HTRA3: variants seen among roughly 807,000 people sequenced by gnomAD.
HTRA3 encodes the protein HtrA serine peptidase 3.
HTRA3 carries 41 observed loss-of-function variants against 43.2 expected under a neutral mutation model. That is an observed-to-expected ratio of 0.95 (90% CI 0.74 to 1.23). The LOEUF (loss-of-function observed/expected upper bound fraction) is 1.23, where lower values mean the gene tolerates loss of function less well. Ranked by LOEUF, HTRA3 falls within the 50% of genes most tolerant of loss-of-function variation. The probability of loss-of-function intolerance (pLI) is 0.00; values close to 1 mark genes in which losing one functional copy is unlikely to be tolerated. For synonymous variants in HTRA3, 295 were observed against 287.9 expected, an observed-to-expected ratio of 1.02 and a Z score of -0.25; for missense variants, 628 against 647.1, an observed-to-expected ratio of 0.97 and a Z score of 0.32.
chr4:8,291,653 T>C (rs114889058), intron 4 of HTRA3, 89 bp downstream of exon 4: 88,283 of 916,124 alleles, frequency 0.096, 5,114 homozygotes, highest in African/African-American at 0.22. Context: ...CTTGCCCCCC[T>C]CCCCAGAGCC....
chr4:8,273,253 G>C (rs985828111), intron 1 of HTRA3, among the ~76,000 whole-genome samples: 1 of 152,204 alleles, frequency 6.6e-6, no homozygotes, highest in Non-Finnish European at 1.5e-5. Context: ...TGGGCCCCCG[G>C]CTCCATCAGG....
chr4:8,277,538 T>A (rs1478007074), intron 1 of HTRA3, among the ~76,000 whole-genome samples: 1 of 151,984 alleles, frequency 6.6e-6, no homozygotes, highest in Non-Finnish European at 1.5e-5. Flanking sequence ...CAGGGTAGGC[T>A]CCCCAGAGGA....
rs1341970746 is a variant in HTRA3 at position 8,286,117 on chromosome 4, C to T, written c.486-444C>T. Among the ~76,000 whole-genome samples the T allele has an allele frequency of 1.3e-5, 2 of 152,154 alleles. No homozygotes were observed. The highest frequency in any genetic ancestry group is 1.9e-4 in the East Asian group (1 of 5,186). On this transcript the variant is annotated intron_variant, in intron 2 of 8. Transcript: ENST00000307358. This position sits in a 1 kb window ranked among gnomAD's most constrained non-coding sequence, Gnocchi z 4.9. ...TTAGAGCCCAGGCATCACCACTCGG[C>T]GGAGGAGGTGTTGTTGTCCCATTTC...
Position 8,269,879 on chromosome 4 carries a change from C to T in HTRA3, c.-90C>T, listed in dbSNP as rs1395436381. ...CGTCCGCCCCAGTCCCATCCGTAGG[C>T]GCCCGGCGCCCGGCCCCGCAGCGGC... On this transcript the variant is annotated 5_prime_UTR_variant, in exon 1 of 9. Coordinates refer to ENST00000307358, the MANE Select transcript of HTRA3 (RefSeq NM_053044.5). 3.4e-6 allele frequency: 2 copies of T among 584,058 alleles called. No individual in the cohort carries two copies. Among genetic ancestry groups the T allele is most frequent in the East Asian group, 2.8e-4 (2 of 7,246 alleles). The allele number at this position is 584,058 out of a possible 1,614,324, so 36.2% of individuals were successfully genotyped here.
rs540992999 is a variant in HTRA3 at position 8,282,553 on chromosome 4, C to T, written c.485+17C>T. 2.3e-5 allele frequency: 36 copies of T among 1,589,528 alleles called. No individual in the cohort carries two copies. Among genetic ancestry groups the T allele is most frequent in the Admixed American group, 1.7e-4 (10 of 59,834 alleles). On this transcript the variant is annotated intron_variant, in intron 2 of 8. Transcript: ENST00000307358. ...CTTCCTGAGGTGGGTGAATACCCCT[C>T]GCCCCTCTCTGCCTCCTGGTGTCCC...
intron 5 of HTRA3, among the ~76,000 whole-genome samples, chr4:8,293,706 A>G (rs1713331541): frequency 6.6e-6 from 1 of 152,056 alleles, no homozygotes; most frequent in African/African-American, 2.4e-5. Flanking sequence ...GAAGGTAGGG[A>G]TAGACAGGGT....
chr4:8,272,038 G>T lies in HTRA3; in HGVS notation c.385+1685G>T, dbSNP rs969865213. On this transcript the variant is annotated intron_variant, in intron 1 of 8. Coordinates refer to ENST00000307358, the MANE Select transcript of HTRA3 (RefSeq NM_053044.5). ...GCACATCAGTTTGGGGCTTGGTGCTGGGGTACCTTTCCTGGGCCTGCCCGT... is the reference window on the plus strand; with the variant it reads ...GCACATCAGTTTGGGGCTTGGTGCTTGGGTACCTTTCCTGGGCCTGCCCGT... 7.8e-4 allele frequency among the ~76,000 whole-genome samples: 119 copies of T among 152,156 alleles called. 1 individual carries two copies. Among genetic ancestry groups the T allele is most frequent in the Non-Finnish European group, 1.5e-4 (10 of 68,026 alleles).
intron 6 of HTRA3, among the ~76,000 whole-genome samples, chr4:8,300,170 T>A (rs1243775039): frequency 6.6e-6 from 1 of 152,248 alleles, no homozygotes; most frequent in African/African-American, 2.4e-5. Flanking sequence ...TTTATGGATT[T>A]GATTTGTTTA....
intron 3 of HTRA3, among the ~76,000 whole-genome samples, chr4:8,290,913 G>C (rs1170316146): frequency 2.0e-5 from 3 of 152,220 alleles, no homozygotes; most frequent in African/African-American, 7.2e-5. Context: ...ACTGGATCAA[G>C]GATGTCAGAG....
chr4:8,292,253 TG>T, intron 4 of HTRA3, 67 bp from the exon 5 acceptor site: 1 of 1,438,108 alleles, frequency 7.0e-7, no homozygotes, highest in Non-Finnish European at 9.7e-7. Flanking sequence ...GAGGCAGATC[TG>T]GAGAAGGGGC....
intron 1 of HTRA3, among the ~76,000 whole-genome samples, chr4:8,273,857 T>C (rs1235547866): frequency 6.6e-6 from 1 of 151,944 alleles, no homozygotes; most frequent in Non-Finnish European, 1.5e-5. Flanking sequence ...CCCAGCTGTG[T>C]GGATGGGGGC....
At position 8,296,208 on chromosome 4, in the gene HTRA3, C is replaced by A; in HGVS notation, c.1051+2007C>A. ...CTCTTCCCTTCTTGCCTCTCTCTTT[C>A]TCCTGAGACAGGATCCCCCTGGGGC... On this transcript the variant is annotated intron_variant, in intron 6 of 8. Coordinates refer to ENST00000307358, the MANE Select transcript of HTRA3 (RefSeq NM_053044.5). This position sits in a 1 kb window ranked among gnomAD's most constrained non-coding sequence, Gnocchi z 5.3. 1.0e-6 allele frequency: 1 copy of A among 985,990 alleles called. No individual in the cohort carries two copies. The highest frequency in any genetic ancestry group is 1.2e-6 in the Non-Finnish European group (1 of 830,316). The allele number at this position is 985,990 out of a possible 1,614,324, so 61.1% of individuals were successfully genotyped here.
At chr4:8,304,796 C>CAA (rs973667591) in intron 8 of HTRA3, among the ~76,000 whole-genome samples, 25 of 151,988 alleles carry the variant, frequency 1.6e-4, no homozygotes, top group Admixed American at 9.8e-4. Context: ...GCTCAGATTA[C>CAA]AAGTGCCCAC....
rs1713454951 is a variant in HTRA3 at position 8,296,346 on chromosome 4, G to A, written c.1051+2145G>A. 1.0e-6 allele frequency: 1 copy of A among 985,354 alleles called. No individual in the cohort carries two copies. Among genetic ancestry groups the A allele is most frequent in the Non-Finnish European group, 1.2e-6 (1 of 829,968 alleles). The allele number at this position is 985,354 out of a possible 1,614,324, so 61.0% of individuals were successfully genotyped here. On this transcript the variant is annotated intron_variant, in intron 6 of 8. Transcript: ENST00000307358. This position sits in a 1 kb window ranked among gnomAD's most constrained non-coding sequence, Gnocchi z 5.3. ...GAGCTGTGTCCCCTCCCCAAGGACA[G>A]TGCAGACTAACTGAGGAGCCTGATA...
chr4:8,270,182 G>T lies in HTRA3; in HGVS notation c.214G>T (p.Glu72Ter). The T allele has an allele frequency of 6.5e-7, 1 of 1,533,358 alleles. No homozygotes were observed. The highest frequency in any genetic ancestry group is 2.0e-5 in the Admixed American group (1 of 50,024). 95.0% of individuals were successfully genotyped at this position (1,533,358 alleles called of 1,614,324 possible). A position where few individuals can be genotyped will look rare whatever the true frequency, so the allele number is the denominator to read the frequency against. ...CGGCCCTCTGGACTCGCCTTGCGGC[G>T]AGAGCCTGGAGTGCGTGCGCGGCCT... is the stretch of plus-strand genomic sequence containing the variant. ...CGGPLDSPCG[E>*]SLECVRGLCR... Residue 72 changes from glutamate to a stop codon, truncating the protein, a stop_gained, in exon 1 of 9, where the codon GAG (glutamate) becomes TAG (stop). Coordinates refer to ENST00000307358, the MANE Select transcript of HTRA3 (RefSeq NM_053044.5). LOFTEE classifies it high-confidence loss of function.
In HTRA3 at chr4:8,286,686, A is replaced by C. The variant is rs747645670; in HGVS notation, c.611A>C (p.Gln204Pro). 2 of 1,614,178 alleles carry C rather than the reference A, an allele frequency of 1.2e-6. No homozygotes were observed. The highest frequency in any genetic ancestry group is 1.7e-6 in the Non-Finnish European group (2 of 1,180,006). Residue 204 changes from glutamine to proline, a missense_variant, in exon 3 of 9, where the codon CAG becomes CCG. By Grantham distance (76) the Gln-to-Pro change is moderately conservative. Transcript: ENST00000307358. The surrounding 1 kb of genome is among the most constrained non-coding windows in gnomAD (Gnocchi z 4.9). ...AACAGTGCTGCCCCGGGCAGGCAGC[A>C]GCTCAAGGTGCAGCTACAGAATGGG... Reference protein sequence around the residue: ...SSNSAAPGRQQLKVQLQNGDS... With the variant: ...SSNSAAPGRQPLKVQLQNGDS...
chr4:8,274,729 T>C (rs1578786929), intron 1 of HTRA3, among the ~76,000 whole-genome samples: 1 of 152,186 alleles, frequency 6.6e-6, no homozygotes, highest in East Asian at 1.9e-4. Context: ...GGAGAAGGGT[T>C]TCCCTTTGCG....
intron 1 of HTRA3, among the ~76,000 whole-genome samples, chr4:8,278,469 G>A (rs998542886): frequency 2.4e-4 from 37 of 152,146 alleles, no homozygotes; most frequent in Admixed American, 1.5e-3. Context: ...CGAGGATGGG[G>A]TGGGGGTGGA....
chr4:8,284,407 G>A (rs1045489901), intron 2 of HTRA3, among the ~76,000 whole-genome samples: 4 of 152,202 alleles, frequency 2.6e-5, no homozygotes, highest in African/African-American at 9.6e-5. Context: ...CTGGGAGGCC[G>A]TTTCTGCCCT....
Sources: allele counts gnomAD v4.1 joint callset (sites outside exome capture counted in the v4.1 genomes callset), GRCh38; gene constraint gnomAD v4.1.1; non-coding constraint Gnocchi (gnomAD v3.1); transcripts MANE v1.5; gene names NCBI Gene and HGNC (gene_info 2026-07-23, HGNC 2026-07-21).